TDRD3: variants seen among roughly 807,000 people sequenced by gnomAD.
The protein encoded by TDRD3 is tudor domain containing 3.
TDRD3 carries 45 observed loss-of-function variants against 86.7 expected under a neutral mutation model. The observed-to-expected ratio is 0.52, with a 90% CI of 0.41 to 0.67. The LOEUF (loss-of-function observed/expected upper bound fraction) is 0.67, where lower values mean the gene tolerates loss of function less well. Ranked by LOEUF, TDRD3 falls within the 30% of genes least tolerant of loss-of-function variation. TDRD3 has a pLI of 0.00. For missense variants in TDRD3, 814 were observed against 889.0 expected (o/e 0.92, Z 1.07); for synonymous variants, 298 against 301.7 (o/e 0.99, Z 0.13).
chr13:60,505,643 A>G (rs1956921398), intron 8 of TDRD3, among the ~76,000 whole-genome samples: 1 of 152,220 alleles, frequency 6.6e-6, no homozygotes, highest in Non-Finnish European at 1.5e-5. Context: ...AAAAAAGGTT[A>G]GAGGAATTGC....
chr13:60,411,891 G>A (rs1363443197), intron 1 of TDRD3, among the ~76,000 whole-genome samples: 2 of 152,110 alleles, frequency 1.3e-5, no homozygotes, highest in Admixed American at 6.5e-5. Context: ...AGCACTTTAG[G>A]GTATTGTCAT....
intron 12 of TDRD3, among the ~76,000 whole-genome samples, chr13:60,558,901 A>G (rs1011982278): frequency 6.6e-6 from 1 of 151,822 alleles, no homozygotes; most frequent in Non-Finnish European, 1.5e-5. Context: ...ATAAAAGTTA[A>G]GCTGGTGGCA....
chr13:60,487,523 G>C (rs1172264764), intron 7 of TDRD3, among the ~76,000 whole-genome samples: 3 of 152,142 alleles, frequency 2.0e-5, no homozygotes, highest in Non-Finnish European at 4.4e-5. Flanking sequence ...ATGTGCATAG[G>C]TTGTATGCAA....
chr13:60,498,366 T>G (rs1000147536), intron 8 of TDRD3, among the ~76,000 whole-genome samples: 2 of 152,138 alleles, frequency 1.3e-5, no homozygotes, highest in Non-Finnish European at 2.9e-5. Flanking sequence ...AGGGGCCAAG[T>G]GGTGGCACTC....
At chr13:60,483,930 T>G in intron 6 of TDRD3, 84 bp downstream of exon 6, 3 of 1,314,854 alleles carry the variant, frequency 2.3e-6, no homozygotes, top group Non-Finnish European at 3.3e-6. Flanking sequence ...CATTATGTGC[T>G]GAACTATTAA....
intron 5 of TDRD3, among the ~76,000 whole-genome samples, chr13:60,476,607 G>C (rs1956191779): frequency 6.6e-6 from 1 of 152,068 alleles, no homozygotes; most frequent in Non-Finnish European, 1.5e-5. Flanking sequence ...AACATTGATA[G>C]TTTGATAGGA....
At chr13:60,399,767 C>T (rs1272631841) in intron 1 of TDRD3, among the ~76,000 whole-genome samples, 3 of 152,224 alleles carry the variant, frequency 2.0e-5, no homozygotes, top group African/African-American at 7.2e-5. Context: ...CATGGACACA[C>T]TATTGTTAAA....
At chr13:60,500,675 T>G (rs1239694237) in intron 8 of TDRD3, among the ~76,000 whole-genome samples, 1 of 152,230 alleles carries the variant, frequency 6.6e-6, no homozygotes, top group East Asian at 1.9e-4. Context: ...ATTTATGGGC[T>G]GTAGCCAATG....
chr13:60,562,420 A>C (rs940532051), intron 12 of TDRD3, among the ~76,000 whole-genome samples: 2 of 152,138 alleles, frequency 1.3e-5, no homozygotes, highest in African/African-American at 4.8e-5. Flanking sequence ...CTAAAAATAG[A>C]CTTGTTTTTA....
At chr13:60,564,694 T>A (rs182033223) in intron 12 of TDRD3, among the ~76,000 whole-genome samples, 141 of 152,316 alleles carry the variant, frequency 9.3e-4, no homozygotes, top group Middle Eastern at 3.4e-3. Flanking sequence ...TCAGATTTTT[T>A]AAAAAATGTT....
chr13:60,564,252 A>ATAG lies in TDRD3; in HGVS notation c.2119-3272_2119-3271insAGT, dbSNP rs370500822. Among the ~76,000 whole-genome samples, 695 of 152,220 alleles carry ATAG rather than the reference A, an allele frequency of 4.6e-3. 4 individuals are homozygous for ATAG. The highest frequency in any genetic ancestry group is 0.016 in the African/African-American group (672 of 41,516). On this transcript the variant is annotated intron_variant, in intron 12 of 13. Coordinates refer to ENST00000377881, the MANE Select transcript of TDRD3 (RefSeq NM_001146070.2). ...CAGCCCTCAGGAGGTCCTAAGAAAA[A>ATAG]TGTGCCCAAGGTGGTCGGGATGCAC...
chr13:60,497,470 TA>T (rs796537711), intron 8 of TDRD3, among the ~76,000 whole-genome samples: 28 of 152,216 alleles, frequency 1.8e-4, no homozygotes, highest in African/African-American at 6.3e-4. Flanking sequence ...GCTCCGTGTT[TA>T]AAGGTGGGTG....
intron 1 of TDRD3, among the ~76,000 whole-genome samples, chr13:60,423,850 C>T (rs1270255199): frequency 1.3e-5 from 2 of 151,660 alleles, no homozygotes; most frequent in African/African-American, 4.8e-5. Flanking sequence ...AATAAATGAA[C>T]TAAATTTTCA....
chr13:60,444,341 G>T (rs1457780301), intron 2 of TDRD3, among the ~76,000 whole-genome samples: 1 of 110,484 alleles, frequency 9.1e-6, no homozygotes, highest in East Asian at 2.0e-4. Context: ...TTCAAAAGCT[G>T]TCATTTGATT....
intron 12 of TDRD3, chr13:60,536,089 T>G (rs2137820156): frequency 6.6e-6 from 1 of 152,234 alleles, no homozygotes; most frequent in South Asian, 2.1e-4. Context: ...AAGGGTACAT[T>G]GTTTTCTCAT....
At chr13:60,518,067 C>T (rs1042937421) in intron 10 of TDRD3, among the ~76,000 whole-genome samples, 1 of 152,196 alleles carries the variant, frequency 6.6e-6, no homozygotes, top group Non-Finnish European at 1.5e-5. Flanking sequence ...AGCATGATAG[C>T]TTTTGTCAGA....
chr13:60,496,339 A>C (rs866624736), intron 8 of TDRD3, among the ~76,000 whole-genome samples: 17 of 76,912 alleles, frequency 2.2e-4, no homozygotes, highest in South Asian at 1.3e-3. Context: ...ATATATATAT[A>C]TATATCCTCT....
chr13:60,402,542 T>C (rs750604840), intron 1 of TDRD3, among the ~76,000 whole-genome samples: 3 of 152,214 alleles, frequency 2.0e-5, no homozygotes, highest in East Asian at 1.9e-4. Context: ...AATTATGATA[T>C]ACCTTTAATT....
intron 5 of TDRD3, 140 bp downstream of exon 5, chr13:60,467,519 A>G (rs1955973493): frequency 3.3e-6 from 3 of 917,984 alleles, no homozygotes; most frequent in African/African-American, 3.4e-5. Context: ...TAGAGAAACT[A>G]TCTTTGTCTA....
Sources: allele counts gnomAD v4.1 joint callset (sites outside exome capture counted in the v4.1 genomes callset), GRCh38; gene constraint gnomAD v4.1.1; transcripts MANE v1.5; gene names NCBI Gene and HGNC (gene_info 2026-07-23, HGNC 2026-07-21).